Variants in WWTR1 observed in about 807,000 individuals in gnomAD.
WWTR1 encodes WW domain containing transcription regulator 1, also known as WW domain-containing transcription regulator protein 1.
A neutral mutation model predicts 40.1 loss-of-function variants in WWTR1; 13 were observed. The observed-to-expected ratio is 0.32, with a 90% CI of 0.21 to 0.52. The LOEUF (loss-of-function observed/expected upper bound fraction) is 0.52, where lower values mean the gene tolerates loss of function less well. Ranked by LOEUF, WWTR1 falls within the 20% of genes least tolerant of loss-of-function variation. The pLI, the probability that WWTR1 is intolerant of heterozygous loss-of-function variation, is 0.97. For synonymous variants in WWTR1, 230 were observed against 210.1 expected, an observed-to-expected ratio of 1.09 and a Z score of -0.82; for missense variants, 436 against 523.1, an observed-to-expected ratio of 0.83 and a Z score of 1.63.
intron 2 of WWTR1, among the ~76,000 whole-genome samples, chr3:149,590,097 A>G (rs1388957208): frequency 2.0e-5 from 3 of 152,172 alleles, no homozygotes; most frequent in East Asian, 1.9e-4. Context: ...CTGAAAGTCC[A>G]CCATATCTAG....
chr3:149,636,444 A>G (rs946978469), intron 2 of WWTR1, among the ~76,000 whole-genome samples: 50 of 152,224 alleles, frequency 3.3e-4, no homozygotes, highest in African/African-American at 1.2e-3. Flanking sequence ...TAATCTGGGA[A>G]TAGATGAATA....
intron 3 of WWTR1, among the ~76,000 whole-genome samples, chr3:149,559,236 A>G (rs1234753190): frequency 6.7e-6 from 1 of 149,200 alleles, no homozygotes; most frequent in East Asian, 2.0e-4. Flanking sequence ...GGAGGTTTCA[A>G]TGAGACGAGA....
chr3:149,635,841 TA>T (rs572299926), intron 2 of WWTR1, among the ~76,000 whole-genome samples: 5 of 151,628 alleles, frequency 3.3e-5, no homozygotes, highest in East Asian at 1.9e-4. Flanking sequence ...TTTTTTAAAA[TA>T]AAAAAAAGGC....
chr3:149,660,665 G>A (rs1358696719), upstream of WWTR1, among the ~76,000 whole-genome samples: 2 of 152,232 alleles, frequency 1.3e-5, no homozygotes, highest in African/African-American at 4.8e-5. Context: ...GAACAAAACA[G>A]CTGAGTCACT....
chr3:149,669,463 A>C (rs1376210227), intron 2 of WWTR1, among the ~76,000 whole-genome samples: 1 of 152,244 alleles, frequency 6.6e-6, no homozygotes, highest in Non-Finnish European at 1.5e-5. Flanking sequence ...ATGTCATTTC[A>C]CTTGAACTTG....
intron 5 of WWTR1, 131 bp downstream of exon 5, chr3:149,527,705 A>G: frequency 7.5e-7 from 1 of 1,326,078 alleles, no homozygotes; most frequent in Non-Finnish European, 1.0e-6. Flanking sequence ...AGCTCCTCCC[A>G]CTTCCTCCCT....
chr3:149,625,020 C>G (rs1295861375), intron 2 of WWTR1, among the ~76,000 whole-genome samples: 1 of 151,348 alleles, frequency 6.6e-6, no homozygotes, highest in Non-Finnish European at 1.5e-5. Flanking sequence ...TGTGAGCCAC[C>G]ATGCCCGTAC....
intron 2 of WWTR1, among the ~76,000 whole-genome samples, chr3:149,631,720 G>C (rs1193741655): frequency 6.6e-6 from 1 of 152,062 alleles, no homozygotes; most frequent in Non-Finnish European, 1.5e-5. Context: ...TGACCTGATG[G>C]GGTAGTGACT....
Position 149,656,891 on chromosome 3 carries a change from T to G in WWTR1, c.416A>C (p.Gln139Pro), listed in dbSNP as rs1458039499. 1 of 1,530,792 alleles carries G rather than the reference T, an allele frequency of 6.5e-7. No individual in the cohort carries two copies. The highest frequency in any genetic ancestry group is 8.7e-7 in the Non-Finnish European group (1 of 1,146,238). The allele number at this position is 1,530,792 out of a possible 1,614,324, so 94.8% of individuals were successfully genotyped here. Residue 139 changes from glutamine to proline, a missense_variant, in exon 2 of 7, where the codon CAG becomes CCG. Coordinates refer to ENST00000360632, the MANE Select transcript of WWTR1 (RefSeq NM_015472.6). ...GCTGACTTACTTGAGGAAGTACCTC[T>G]GGCCAGTGGCCGTGAAGGTCATCTC... is the stretch of plus-strand genomic sequence containing the variant. ...GWEMTFTATG[Q>P]RYFLNHIEKI... is the part of the protein sequence containing the mutation.
intron 1 of WWTR1, among the ~76,000 whole-genome samples, chr3:149,696,913 C>T (rs959633640): frequency 6.6e-6 from 1 of 152,204 alleles, no homozygotes; most frequent in Admixed American, 6.5e-5. Flanking sequence ...CCTCCCAAAA[C>T]ATCAGGCTTA....
intron 1 of WWTR1, among the ~76,000 whole-genome samples, chr3:149,689,057 T>A (rs1714736301): frequency 6.6e-6 from 1 of 151,822 alleles, no homozygotes; most frequent in Non-Finnish European, 1.5e-5. Context: ...CAGAAGAAAG[T>A]ATTAGTGAGC....
intron 1 of WWTR1, among the ~76,000 whole-genome samples, chr3:149,677,846 C>T (rs555666113): frequency 6.6e-6 from 1 of 152,296 alleles, no homozygotes; most frequent in South Asian, 2.1e-4. Context: ...TCACTGCTAC[C>T]TCTGCCTCCC....
intron 3 of WWTR1, among the ~76,000 whole-genome samples, chr3:149,564,435 G>A (rs1002942864): frequency 1.3e-5 from 2 of 150,600 alleles, no homozygotes; most frequent in Non-Finnish European, 2.9e-5. Context: ...CCAACACACT[G>A]TTCTCCTCTT....
chr3:149,608,718 T>A (rs1739598984), intron 2 of WWTR1, among the ~76,000 whole-genome samples: 1 of 151,612 alleles, frequency 6.6e-6, no homozygotes, highest in Non-Finnish European at 1.5e-5. Flanking sequence ...TAAATTGCAA[T>A]AATTATCAGA....
At chr3:149,576,662 G>T (rs966728161) in intron 2 of WWTR1, among the ~76,000 whole-genome samples, 2 of 151,902 alleles carry the variant, frequency 1.3e-5, no homozygotes, top group Admixed American at 1.3e-4. Context: ...ACACTGTACA[G>T]GTTTCATATT....
chr3:149,531,780 A>G (rs1335561351), intron 4 of WWTR1, among the ~76,000 whole-genome samples: 2 of 151,976 alleles, frequency 1.3e-5, no homozygotes, highest in Non-Finnish European at 2.9e-5. Flanking sequence ...TGTCTTTCCT[A>G]CTAGAATGTA....
At chr3:149,585,075 T>C (rs1738349713) in intron 2 of WWTR1, among the ~76,000 whole-genome samples, 1 of 151,990 alleles carries the variant, frequency 6.6e-6, no homozygotes, top group Non-Finnish European at 1.5e-5. Flanking sequence ...GAAATAATGG[T>C]AGACATCAAT....
chr3:149,700,027 C>T (rs539367219), intron 1 of WWTR1, among the ~76,000 whole-genome samples: 2 of 152,352 alleles, frequency 1.3e-5, no homozygotes, highest in South Asian at 4.1e-4. Flanking sequence ...GCTCACGGTT[C>T]TGCTGACTAT....
intron 1 of WWTR1, among the ~76,000 whole-genome samples, chr3:149,691,402 C>G (rs1714823459): frequency 6.7e-6 from 1 of 148,876 alleles, no homozygotes; most frequent in Admixed American, 6.7e-5. Flanking sequence ...AAGATAAAAT[C>G]AACAAACCTT....
Sources: allele counts gnomAD v4.1 joint callset (sites outside exome capture counted in the v4.1 genomes callset), GRCh38; gene constraint gnomAD v4.1.1; transcripts MANE v1.5; gene names NCBI Gene and HGNC (gene_info 2026-07-23, HGNC 2026-07-21).